THSD4: variants seen among roughly 807,000 people sequenced by gnomAD.
THSD4 encodes the protein thrombospondin type-1 domain-containing protein 4.
In THSD4, 69 loss-of-function variants were observed where a neutral mutation model predicts 119.0. That is an observed-to-expected ratio of 0.58 (90% CI 0.48 to 0.71). The LOEUF is 0.71. Ranked by LOEUF, THSD4 falls within the 30% of genes least tolerant of loss-of-function variation. THSD4 has a pLI of 0.00. For synonymous variants in THSD4, 524 were observed against 540.4 expected (o/e 0.97, Z 0.42); for missense variants, 1,393 against 1,391.1 (o/e 1.00, Z -0.02).
intron 6 of THSD4, among the ~76,000 whole-genome samples, chr15:71,392,412 A>G (rs1436211612): frequency 6.6e-6 from 1 of 152,246 alleles, no homozygotes; most frequent in Non-Finnish European, 1.5e-5. Flanking sequence ...AAGAAAAGCA[A>G]GGTTCATAGA....
intron 1 of THSD4, among the ~76,000 whole-genome samples, chr15:71,140,875 T>G (rs78246403): frequency 0.028 from 4,294 of 152,266 alleles, 194 homozygotes; most frequent in African/African-American, 0.097. Flanking sequence ...CCCCAATCCC[T>G]GGCAACCAAC....
At chr15:71,188,090 A>G (rs2043629708) in intron 3 of THSD4, among the ~76,000 whole-genome samples, 3 of 152,218 alleles carry the variant, frequency 2.0e-5, no homozygotes, top group Admixed American at 6.5e-5. Flanking sequence ...CATGTCTGTC[A>G]AGTGTTCATA....
chr15:71,346,633 A>AT (rs1367154868), intron 6 of THSD4, among the ~76,000 whole-genome samples: 4 of 151,846 alleles, frequency 2.6e-5, no homozygotes, highest in South Asian at 4.2e-4. Flanking sequence ...GCCCTCGTCC[A>AT]TTTTTTTTGG....
chr15:71,680,276 C>T (rs1476787773), intron 8 of THSD4, among the ~76,000 whole-genome samples: 3 of 152,196 alleles, frequency 2.0e-5, no homozygotes, highest in Non-Finnish European at 2.9e-5. Flanking sequence ...CACCAAGGTT[C>T]TCTAAGCCTT....
At chr15:71,440,026 A>G (rs2047069148) in intron 7 of THSD4, among the ~76,000 whole-genome samples, 1 of 152,194 alleles carries the variant, frequency 6.6e-6, no homozygotes, top group Non-Finnish European at 1.5e-5. Flanking sequence ...ATAATAAAAA[A>G]AGAATATTCT....
At chr15:71,707,213 G>T (rs1192974953) in intron 8 of THSD4, among the ~76,000 whole-genome samples, 2 of 152,120 alleles carry the variant, frequency 1.3e-5, no homozygotes, top group African/African-American at 4.8e-5. Context: ...GGGTCAAAAA[G>T]GCATCAAGGA....
chr15:71,290,487 G>A (rs961805554), intron 6 of THSD4, among the ~76,000 whole-genome samples: 3 of 152,002 alleles, frequency 2.0e-5, no homozygotes, highest in Middle Eastern at 3.4e-3. Context: ...ATCTATCAAC[G>A]GATTGCTTGC....
chr15:71,413,640 C>A (rs2140505981), intron 7 of THSD4, among the ~76,000 whole-genome samples: 1 of 152,274 alleles, frequency 6.6e-6, no homozygotes, highest in Non-Finnish European at 1.5e-5. Context: ...ATTTTGTTCT[C>A]ACATTTTGAA....
chr15:71,370,672 T>C (rs1015934206), intron 6 of THSD4, among the ~76,000 whole-genome samples: 2 of 152,000 alleles, frequency 1.3e-5, no homozygotes, highest in African/African-American at 4.8e-5. Context: ...TCTGTTCTTT[T>C]ACATTTGCTG....
intron 7 of THSD4, among the ~76,000 whole-genome samples, chr15:71,568,606 T>C (rs2049288321): frequency 6.6e-6 from 1 of 152,012 alleles, no homozygotes; most frequent in African/African-American, 2.4e-5. Context: ...TTTTTTTAAT[T>C]ATACTTTAAG....
intron 15 of THSD4, among the ~76,000 whole-genome samples, chr15:71,761,142 T>A (rs1406757635): frequency 6.6e-6 from 1 of 152,210 alleles, no homozygotes; most frequent in Admixed American, 6.5e-5. Flanking sequence ...CTTGCTTCTT[T>A]CCTCTTTCCT....
intron 7 of THSD4, among the ~76,000 whole-genome samples, chr15:71,527,698 T>A (rs1219259267): frequency 6.8e-6 from 1 of 146,968 alleles, no homozygotes; most frequent in Non-Finnish European, 1.5e-5. Flanking sequence ...TTTTTCCCCA[T>A]GTTTATCCTC....
At chr15:71,743,009 C>T (rs371100729) in intron 11 of THSD4, among the ~76,000 whole-genome samples, 5 of 152,056 alleles carry the variant, frequency 3.3e-5, no homozygotes, top group African/African-American at 9.7e-5. Flanking sequence ...GAGCAGAGAT[C>T]GTGCCACTTC....
intron 3 of THSD4, among the ~76,000 whole-genome samples, chr15:71,191,875 C>G (rs997060645): frequency 8.0e-5 from 12 of 149,432 alleles, no homozygotes; most frequent in Admixed American, 4.8e-4. Context: ...GCAGCACCAC[C>G]TCCTATGCTT....
At chr15:71,608,777 T>C (rs956950795) in intron 7 of THSD4, among the ~76,000 whole-genome samples, 2 of 152,228 alleles carry the variant, frequency 1.3e-5, no homozygotes, top group Admixed American at 1.3e-4. Flanking sequence ...TATTATAATT[T>C]AAAATTTGCT....
intron 6 of THSD4, among the ~76,000 whole-genome samples, chr15:71,383,365 C>CA (rs1442950532): frequency 1.3e-5 from 2 of 152,232 alleles, no homozygotes; most frequent in Admixed American, 6.5e-5. Flanking sequence ...CTAGGTAGAA[C>CA]ATTTATATCT....
chr15:71,635,834 A>T (rs547148011), intron 7 of THSD4, among the ~76,000 whole-genome samples: 60 of 152,306 alleles, frequency 3.9e-4, no homozygotes, highest in African/African-American at 1.4e-3. Context: ...CATTTTCATA[A>T]ATTATCTTAT....
At chr15:71,442,638 GTGTATA>G (rs1222736472) in intron 7 of THSD4, among the ~76,000 whole-genome samples, 9 of 13,918 alleles carry the variant, frequency 6.5e-4, no homozygotes, top group South Asian at 9.8e-3. Flanking sequence ...ATGTATGTGT[GTGTATA>G]TGTGTGTGTG....
At chr15:71,339,095 T>C (rs1158196650) in intron 6 of THSD4, among the ~76,000 whole-genome samples, 2 of 152,206 alleles carry the variant, frequency 1.3e-5, no homozygotes, top group African/African-American at 4.8e-5. Flanking sequence ...TGACCTCACC[T>C]ACCCTGAGAT....
Sources: allele counts gnomAD v4.1 joint callset (sites outside exome capture counted in the v4.1 genomes callset), GRCh38; gene constraint gnomAD v4.1.1; transcripts MANE v1.5; gene names NCBI Gene and HGNC (gene_info 2026-07-23, HGNC 2026-07-21).